The following IL1RAP variants were observed in gnomAD, a reference collection of about 807,000 sequenced individuals.
IL1RAP encodes the protein interleukin-1 receptor accessory protein.
Under a neutral mutation model 60.7 loss-of-function variants are expected in IL1RAP, and 35 were observed. That is an observed-to-expected ratio of 0.58 (90% CI 0.44 to 0.76). The LOEUF (loss-of-function observed/expected upper bound fraction) is 0.76, where lower values mean the gene tolerates loss of function less well. IL1RAP is among the 30% of genes least tolerant of loss of function. The pLI, the probability that IL1RAP is intolerant of heterozygous loss-of-function variation, is 0.00. For missense variants in IL1RAP, 572 were observed against 693.9 expected (o/e 0.82, Z 1.97); for synonymous variants, 268 against 250.9 (o/e 1.07, Z -0.64).
intron 1 of IL1RAP, among the ~76,000 whole-genome samples, chr3:190,530,109 T>C (rs1025085352): frequency 2.2e-4 from 34 of 152,096 alleles, no homozygotes; most frequent in African/African-American, 7.2e-4. Flanking sequence ...ACTTTTATCT[T>C]AGAGAAAGGG....
At chr3:190,558,879 A>G (rs1725653969) in intron 2 of IL1RAP, among the ~76,000 whole-genome samples, 2 of 152,324 alleles carry the variant, frequency 1.3e-5, no homozygotes, top group South Asian at 4.1e-4. Context: ...ATTTTAACAA[A>G]TTACCAAAAA....
intron 2 of IL1RAP, among the ~76,000 whole-genome samples, chr3:190,559,933 C>G (rs1725742685): frequency 6.6e-6 from 1 of 152,162 alleles, no homozygotes; most frequent in South Asian, 2.1e-4. Context: ...TACCCCAAAT[C>G]AGAGTCTTCC....
At chr3:190,534,770 G>T (rs1723287892) in intron 1 of IL1RAP, among the ~76,000 whole-genome samples, 1 of 152,048 alleles carries the variant, frequency 6.6e-6, no homozygotes, top group African/African-American at 2.4e-5. Context: ...ATTTCCACTA[G>T]TGAGTTATTG....
At position 190,600,063 on chromosome 3, in the gene IL1RAP, G is replaced by C. The variant is rs907670202; in HGVS notation, c.65-4065G>C. 2.6e-5 allele frequency among the ~76,000 whole-genome samples: 4 copies of C among 152,034 alleles called. No individual in the cohort carries two copies. In the South Asian group the frequency reaches 8.3e-4, roughly 32 times the overall value. On this transcript the variant is annotated intron_variant, in intron 3 of 11. Transcript: ENST00000447382. ...TTTTCTGACATTACATTTTGTGGTA[G>C]AGGTTTTTCTCAGATGATCTGCTCA... is the stretch of plus-strand genomic sequence containing the variant.
intron 1 of IL1RAP, among the ~76,000 whole-genome samples, chr3:190,527,555 G>A (rs998866072): frequency 6.6e-6 from 1 of 152,114 alleles, no homozygotes; most frequent in East Asian, 1.9e-4. Flanking sequence ...GCATGTGGAA[G>A]GCAGGAAGTT....
intron 3 of IL1RAP, among the ~76,000 whole-genome samples, chr3:190,603,920 A>T (rs554425347): frequency 6.6e-6 from 1 of 152,272 alleles, no homozygotes; most frequent in African/African-American, 2.4e-5. Flanking sequence ...TATTCAAGAG[A>T]TACTCAGAAA....
downstream of IL1RAP, among the ~76,000 whole-genome samples, chr3:190,654,073 CA>C (rs1734519716): frequency 6.6e-6 from 1 of 152,058 alleles, no homozygotes; most frequent in Admixed American, 6.6e-5. Flanking sequence ...GCAACAGACT[CA>C]AAAGTCATTT....
At chr3:190,637,688 A>T (rs1360601764) in intron 9 of IL1RAP, among the ~76,000 whole-genome samples, 2 of 152,154 alleles carry the variant, frequency 1.3e-5, no homozygotes, top group East Asian at 3.8e-4. Context: ...GCATATATAT[A>T]TGCATTACCT....
intron 2 of IL1RAP, among the ~76,000 whole-genome samples, chr3:190,559,924 A>C (rs2108615522): frequency 6.6e-6 from 1 of 152,288 alleles, no homozygotes; most frequent in Non-Finnish European, 1.5e-5. Context: ...ACTTCATTTT[A>C]CCCCAAATCA....
chr3:190,579,659 C>T (rs896510450), intron 3 of IL1RAP, among the ~76,000 whole-genome samples: 1 of 152,120 alleles, frequency 6.6e-6, no homozygotes. Flanking sequence ...AGTCGTGCTG[C>T]CATCACAACA....
At chr3:190,592,490 A>G (rs1729026873) in intron 3 of IL1RAP, among the ~76,000 whole-genome samples, 1 of 152,184 alleles carries the variant, frequency 6.6e-6, no homozygotes, top group Non-Finnish European at 1.5e-5. Context: ...ATGATTTGAG[A>G]TATGGAAACA....
chr3:190,609,296 TCC>T, intron 5 of IL1RAP, 115 bp downstream of exon 5: 24 of 679,142 alleles, frequency 3.5e-5, no homozygotes, highest in South Asian at 1.4e-4. Flanking sequence ...TCTGATCTAT[TCC>T]GTAATAGCTT....
intron 1 of IL1RAP, among the ~76,000 whole-genome samples, chr3:190,543,238 A>G (rs1266024487): frequency 1.3e-5 from 2 of 152,198 alleles, no homozygotes; most frequent in Admixed American, 6.6e-5. Flanking sequence ...TGAGAAAGAA[A>G]TGAGTGTTGA....
At chr3:190,653,242 G>T (rs1163251042), downstream of IL1RAP, among the ~76,000 whole-genome samples, 1 of 152,102 alleles carries the variant, frequency 6.6e-6, no homozygotes, top group Non-Finnish European at 1.5e-5. Flanking sequence ...TTTTACTATT[G>T]TGTTCACTAG....
chr3:190,522,876 T>A (rs1286668541), intron 1 of IL1RAP, among the ~76,000 whole-genome samples: 3 of 152,094 alleles, frequency 2.0e-5, no homozygotes, highest in African/African-American at 7.2e-5. Context: ...ATCACTGGAT[T>A]AGAATTTTCA....
intron 1 of IL1RAP, among the ~76,000 whole-genome samples, chr3:190,538,741 GT>G (rs1047784621): frequency 6.6e-6 from 1 of 152,022 alleles, no homozygotes; most frequent in African/African-American, 2.4e-5. Context: ...ATCCCTATGT[GT>G]CATGGGAGGG....
At chr3:190,612,366 C>G (rs975228073) in intron 5 of IL1RAP, among the ~76,000 whole-genome samples, 3 of 151,970 alleles carry the variant, frequency 2.0e-5, no homozygotes, top group African/African-American at 7.3e-5. Context: ...AATCTCGAAC[C>G]TTATTTGATT....
At chr3:190,613,623 A>G (rs1480891245) in intron 5 of IL1RAP, among the ~76,000 whole-genome samples, 2 of 152,084 alleles carry the variant, frequency 1.3e-5, no homozygotes, top group Non-Finnish European at 2.9e-5. Context: ...ACAGGTGACT[A>G]AAAAAGGCAA....
chr3:190,577,932 T>A (rs1727639323), intron 3 of IL1RAP, among the ~76,000 whole-genome samples: 1 of 152,206 alleles, frequency 6.6e-6, no homozygotes, highest in South Asian at 2.1e-4. Context: ...CTTTATTTTC[T>A]GTTACTACAT....
Sources: allele counts gnomAD v4.1 joint callset (sites outside exome capture counted in the v4.1 genomes callset), GRCh38; gene constraint gnomAD v4.1.1; transcripts MANE v1.5; gene names NCBI Gene and HGNC (gene_info 2026-07-23, HGNC 2026-07-21).